Variants in ARHGAP17 observed in about 807,000 individuals in gnomAD.
ARHGAP17 encodes the protein rho GTPase-activating protein 17.
ARHGAP17 carries 57 observed loss-of-function variants against 99.5 expected under a neutral mutation model. That is an observed-to-expected ratio of 0.57 (90% CI 0.46 to 0.71). The LOEUF is 0.71. ARHGAP17 is among the 30% of genes least tolerant of loss of function. The probability of loss-of-function intolerance (pLI) is 0.00; values close to 1 mark genes in which losing one functional copy is unlikely to be tolerated. For synonymous variants in ARHGAP17, 417 were observed against 429.6 expected, an observed-to-expected ratio of 0.97 and a Z score of 0.36; for missense variants, 1,000 against 1,122.4, an observed-to-expected ratio of 0.89 and a Z score of 1.56.
At chr16:24,983,994 T>A (rs1199514057) in intron 1 of ARHGAP17, among the ~76,000 whole-genome samples, 1 of 152,196 alleles carries the variant, frequency 6.6e-6, no homozygotes, top group Admixed American at 6.5e-5. Context: ...GCTAATAGGA[T>A]GTTTCACTGA....
intron 1 of ARHGAP17, chr16:25,013,852 A>G: frequency 6.6e-6 from 1 of 152,256 alleles, no homozygotes; most frequent in East Asian, 1.9e-4. Context: ...TAACAAGGGT[A>G]CGAAACTCAC....
chr16:24,929,155 T>C (rs1006768881), intron 19 of ARHGAP17, among the ~76,000 whole-genome samples: 29 of 123,630 alleles, frequency 2.3e-4, no homozygotes, highest in Admixed American at 2.1e-3. Flanking sequence ...AAGATATTCC[T>C]TTTTTTTTTT....
chr16:24,971,103 C>T (rs1341564391), intron 3 of ARHGAP17, among the ~76,000 whole-genome samples: 5 of 152,180 alleles, frequency 3.3e-5, no homozygotes, highest in African/African-American at 1.2e-4. Flanking sequence ...CTCCTGAGTT[C>T]AAGTGATCTG....
chr16:24,954,806 A>G, intron 9 of ARHGAP17, 76 bp from the exon 10 acceptor site: 1 of 1,574,814 alleles, frequency 6.3e-7, no homozygotes, highest in African/African-American at 1.4e-5. Context: ...CCAACTACCC[A>G]ATGGGCTTTT....
intron 4 of ARHGAP17, among the ~76,000 whole-genome samples, chr16:24,969,510 C>A (rs1407040790): frequency 6.9e-6 from 1 of 144,670 alleles, no homozygotes; most frequent in Non-Finnish European, 1.6e-5. Flanking sequence ...TTTCCCTGCC[C>A]TCTCTGTCAG....
intron 19 of ARHGAP17, among the ~76,000 whole-genome samples, chr16:24,921,264 T>G (rs920851701): frequency 3.9e-5 from 6 of 152,180 alleles, no homozygotes; most frequent in Non-Finnish European, 7.4e-5. Flanking sequence ...TAGATGTGGG[T>G]TCTGGCAAAT....
At chr16:24,922,441 A>T (rs1316876966) in intron 19 of ARHGAP17, among the ~76,000 whole-genome samples, 1 of 152,120 alleles carries the variant, frequency 6.6e-6, no homozygotes, top group Non-Finnish European at 1.5e-5. Flanking sequence ...TCTATTTATG[A>T]TCCACACACA....
At chr16:25,007,854 G>A (rs1459274071) in intron 1 of ARHGAP17, among the ~76,000 whole-genome samples, 2 of 152,104 alleles carry the variant, frequency 1.3e-5, no homozygotes, top group Non-Finnish European at 2.9e-5. Context: ...ATCAAAAATG[G>A]AAGATGTAGC....
In ARHGAP17 at chr16:24,964,260, T is replaced by C. The variant is rs748383784; in HGVS notation, c.510A>G (p.Pro170=). 6.2e-7 allele frequency: 1 copy of C among 1,614,096 alleles called. No homozygotes were observed. Among genetic ancestry groups the C allele is most frequent in the South Asian group, 1.1e-5 (1 of 91,062 alleles). Residue 170 remains proline (P), a synonymous_variant, in exon 7 of 20, where the codon CCA becomes CCG. Coordinates refer to ENST00000289968, the MANE Select transcript of ARHGAP17 (RefSeq NM_001006634.3). The part of the protein sequence containing the change: ...KSSGTNFQGL[P]SKIDTLKEEM... ...CTTCCTTTAGAGTATCTATTTTTGA[T>C]GGAAGCCCCTGAAAGTTGGTTCCTG...
chr16:24,930,650 T>A (rs1462905080), intron 19 of ARHGAP17, 134 bp downstream of exon 19: 1 of 1,467,166 alleles, frequency 6.8e-7, no homozygotes, highest in African/African-American at 1.4e-5. Context: ...AAAAACTGGC[T>A]GCAGGACAGG....
At chr16:24,992,096 G>T (rs1419291892) in intron 1 of ARHGAP17, among the ~76,000 whole-genome samples, 1 of 152,184 alleles carries the variant, frequency 6.6e-6, no homozygotes, top group African/African-American at 2.4e-5. Context: ...AGAACAGGAG[G>T]TGGAGATGTG....
At chr16:24,982,972 A>ATATATATATATATATATATATT (rs2052720382) in intron 1 of ARHGAP17, among the ~76,000 whole-genome samples, 1 of 19,138 alleles carries the variant, frequency 5.2e-5, no homozygotes, top group African/African-American at 2.0e-4. Context: ...AATCATATAT[A>ATATATATATATATATATATATT]TATATATATA....
At chr16:24,932,361 T>A (rs999680199) in intron 18 of ARHGAP17, among the ~76,000 whole-genome samples, 22 of 152,156 alleles carry the variant, frequency 1.4e-4, no homozygotes, top group African/African-American at 5.3e-4. Flanking sequence ...TTTTGAAAGT[T>A]CAATAAGAAG....
intron 1 of ARHGAP17, among the ~76,000 whole-genome samples, chr16:25,010,512 AT>A (rs2053617572): frequency 6.6e-6 from 1 of 152,214 alleles, no homozygotes; most frequent in African/African-American, 2.4e-5. Context: ...CCTTTTCAAG[AT>A]TTTAGTAAAG....
At chr16:24,962,106 A>G (rs996794742) in intron 7 of ARHGAP17, among the ~76,000 whole-genome samples, 1 of 151,684 alleles carries the variant, frequency 6.6e-6, no homozygotes, top group Admixed American at 6.6e-5. Context: ...TAACTGGGAA[A>G]GCAATAAAGT....
At chr16:25,002,246 T>G (rs2053380743) in intron 1 of ARHGAP17, among the ~76,000 whole-genome samples, 1 of 152,192 alleles carries the variant, frequency 6.6e-6, no homozygotes, top group Non-Finnish European at 1.5e-5. Context: ...CTGTTCCCTA[T>G]GTAAATAACA....
At chr16:24,921,655 TG>T (rs2152436000) in intron 19 of ARHGAP17, among the ~76,000 whole-genome samples, 1 of 152,302 alleles carries the variant, frequency 6.6e-6, no homozygotes, top group Non-Finnish European at 1.5e-5. Flanking sequence ...ATTTACTCCC[TG>T]GGACACCCTT....
Position 24,939,412 on chromosome 16 carries a change from G to A in ARHGAP17, c.1676C>T (p.Pro559Leu). 1 of 1,611,302 alleles carries A rather than the reference G, an allele frequency of 6.2e-7. No homozygotes were observed. Among genetic ancestry groups the A allele is most frequent in the Non-Finnish European group, 8.5e-7 (1 of 1,179,876 alleles). The change falls in exon 17 of 20, where the codon CCC becomes CTC. Residue 559 changes from proline (P) to leucine (L), a missense_variant. Coordinates refer to ENST00000289968, the MANE Select transcript of ARHGAP17 (RefSeq NM_001006634.3). ...AESSSGGGTV[P>L]SSAGILEQGP... Reference sequence around the variant, plus strand: ...CTGCTCCAGTATGCCCGCGGAAGAGGGGACAGTCCCACCCCCAGAGCTGCT... The same window carrying A: ...CTGCTCCAGTATGCCCGCGGAAGAGAGGACAGTCCCACCCCCAGAGCTGCT...
intron 15 of ARHGAP17, 62 bp downstream of exon 15, chr16:24,943,709 G>C: frequency 6.9e-7 from 1 of 1,442,144 alleles, no homozygotes; most frequent in Non-Finnish European, 9.7e-7. Flanking sequence ...ATTCTCTTAA[G>C]AAGACTTTTT....
Sources: allele counts gnomAD v4.1 joint callset (sites outside exome capture counted in the v4.1 genomes callset), GRCh38; gene constraint gnomAD v4.1.1; transcripts MANE v1.5; gene names NCBI Gene and HGNC (gene_info 2026-07-23, HGNC 2026-07-21).